The following IRAK3 variants were observed in gnomAD, a reference collection of about 807,000 sequenced individuals.
IRAK3 encodes interleukin 1 receptor associated kinase 3.
In IRAK3, 57 loss-of-function variants were observed where a neutral mutation model predicts 56.6. The ratio of observed to expected loss-of-function variants is 1.01; its 90% confidence interval spans 0.81 to 1.26. IRAK3 has a LOEUF of 1.26. Among genes scored for constraint, IRAK3 ranks in the 50% most tolerant of loss-of-function variants. IRAK3 has a pLI of 0.00. For missense variants in IRAK3, 703 were observed against 719.0 expected (o/e 0.98, Z 0.25); for synonymous variants, 258 against 255.7 (o/e 1.01, Z -0.09).
rs2053101957 is a variant in IRAK3, at chr12:66,251,744, G to A, written c.*3573G>A. On this transcript the variant is annotated 3_prime_UTR_variant, in exon 12 of 12. Transcript: ENST00000261233. ...AGGACTGATGAGTACAGGAAGTGAG[G>A]TTTATCATGAGTAGCATTTATTAAG... The A allele has an allele frequency of 6.6e-6, 1 of 152,172 alleles. No individual in the cohort carries two copies. The highest frequency in any genetic ancestry group is 2.1e-4 in the South Asian group (1 of 4,832). 9.4% of individuals were successfully genotyped at this position (152,172 alleles called of 1,614,324 possible).
chr12:66,230,643 A>G (rs556070158), intron 8 of IRAK3, among the ~76,000 whole-genome samples: 1 of 151,840 alleles, frequency 6.6e-6, no homozygotes, highest in South Asian at 2.1e-4. Flanking sequence ...GCCTCCCTGG[A>G]ACCCAAGGAG....
chr12:66,238,660 G>C (rs886872167), intron 8 of IRAK3, among the ~76,000 whole-genome samples: 2 of 152,156 alleles, frequency 1.3e-5, no homozygotes, highest in African/African-American at 4.8e-5. Flanking sequence ...AGAGGAGATC[G>C]GGCCTGGAAA....
intron 1 of IRAK3, among the ~76,000 whole-genome samples, chr12:66,198,433 C>A (rs2136915090): frequency 6.6e-6 from 1 of 152,286 alleles, no homozygotes; most frequent in Non-Finnish European, 1.5e-5. Flanking sequence ...ATTTGACATA[C>A]CCTTTTCTAT....
intron 3 of IRAK3, 64 bp from the exon 4 acceptor site, chr12:66,210,083 T>C (rs1236421333): frequency 3.7e-6 from 4 of 1,070,872 alleles, no homozygotes; most frequent in Admixed American, 3.4e-5. Context: ...TGGATTTGTG[T>C]TGAGGCTCTG....
intron 6 of IRAK3, among the ~76,000 whole-genome samples, chr12:66,218,462 G>A (rs2052699169): frequency 6.6e-6 from 1 of 152,006 alleles, no homozygotes; most frequent in South Asian, 2.1e-4. Flanking sequence ...ATGGTTATGT[G>A]CATTTTATCA....
chr12:66,244,961 T>C lies in IRAK3; in HGVS notation c.1100T>C (p.Val367Ala). 1 of 1,611,670 alleles carries C rather than the reference T, an allele frequency of 6.2e-7. No homozygotes were observed. The highest frequency in any genetic ancestry group is 8.5e-7 in the Non-Finnish European group (1 of 1,177,740). ...TATTCCTTGTAGGTAATAATGGAAG[T>C]TCTAACAGGATGTAGAGTAGTGTTA... ...VYSFGIVIME[V>A]LTGCRVVLDD... is the part of the protein sequence containing the mutation. Residue 367 changes from valine (V) to alanine (A), a missense_variant, in exon 10 of 12, where the codon GTT (valine) becomes GCT (alanine). Physicochemically the swap from Val to Ala is moderately conservative, Grantham distance 64 (BLOSUM62 0). Transcript: ENST00000261233.
At chr12:66,233,314 C>A (rs1400494471) in intron 8 of IRAK3, among the ~76,000 whole-genome samples, 1 of 152,110 alleles carries the variant, frequency 6.6e-6, no homozygotes, top group African/African-American at 2.4e-5. Context: ...GTCAGCAGAT[C>A]GAGACCATCC....
chr12:66,245,307 A>T (rs1476328759), intron 11 of IRAK3, 45 bp downstream of exon 11: 2 of 1,585,550 alleles, frequency 1.3e-6, no homozygotes, highest in Non-Finnish European at 1.7e-6. Flanking sequence ...CCACAGAACC[A>T]TGGAAAATCT....
At chr12:66,190,865 A>G (rs1225497557) in intron 1 of IRAK3, among the ~76,000 whole-genome samples, 1 of 152,148 alleles carries the variant, frequency 6.6e-6, no homozygotes, top group Admixed American at 6.5e-5. Flanking sequence ...CAGCTACTCT[A>G]CACTTCTCCC....
chr12:66,216,167 ATT>A (rs2052675060), intron 5 of IRAK3, among the ~76,000 whole-genome samples: 1 of 152,120 alleles, frequency 6.6e-6, no homozygotes, highest in South Asian at 2.1e-4. Flanking sequence ...CGACTCCTTC[ATT>A]TTTCAGACTG....
At chr12:66,234,274 C>G in intron 8 of IRAK3, 2 of 1,613,094 alleles carry the variant, frequency 1.2e-6, no homozygotes, top group Non-Finnish European at 1.7e-6. Flanking sequence ...TCTGCTGGGC[C>G]AGAGGGCTGA....
At chr12:66,234,362 G>A in intron 8 of IRAK3, 2 of 1,612,402 alleles carry the variant, frequency 1.2e-6, no homozygotes, top group East Asian at 4.5e-5. Flanking sequence ...TAGAATATAT[G>A]GTTGAGGTTG....
At chr12:66,199,393 A>G (rs768585343) in intron 1 of IRAK3, among the ~76,000 whole-genome samples, 37 of 152,174 alleles carry the variant, frequency 2.4e-4, no homozygotes, top group Non-Finnish European at 2.6e-4. Flanking sequence ...TGTTTTCACT[A>G]AGAACTTTTT....
Position 66,228,317 on chromosome 12 carries a change from T to A in IRAK3, c.834T>A (p.Ile278=). 1 of 1,614,150 alleles carries A rather than the reference T, an allele frequency of 6.2e-7. No homozygotes were observed. Among genetic ancestry groups the A allele is most frequent in the Non-Finnish European group, 8.5e-7 (1 of 1,180,006 alleles). ...IGILIGISKA[I]HYLHNVQPCS... The stretch of plus-strand genomic sequence containing the variant: ...TATTAATAGGAATATCCAAAGCCAT[T>A]CACTACCTGCACAACGTTCAACCAT... Residue 278 remains isoleucine (I), a synonymous_variant, in exon 8 of 12, where the codon ATT becomes ATA. Transcript: ENST00000261233.
intron 5 of IRAK3, among the ~76,000 whole-genome samples, chr12:66,216,039 C>T (rs1034624910): frequency 6.6e-6 from 1 of 152,152 alleles, no homozygotes; most frequent in African/African-American, 2.4e-5. Flanking sequence ...GCAGATCTGA[C>T]AGGAGCCCTG....
intron 8 of IRAK3, among the ~76,000 whole-genome samples, chr12:66,233,054 C>T (rs529930813): frequency 4.0e-5 from 6 of 151,852 alleles, no homozygotes; most frequent in African/African-American, 1.2e-4. Flanking sequence ...TTATTGACTA[C>T]CTTTTAAAAG....
chr12:66,237,999 T>G (rs2052925470), intron 8 of IRAK3, among the ~76,000 whole-genome samples: 1 of 152,174 alleles, frequency 6.6e-6, no homozygotes, highest in African/African-American at 2.4e-5. Context: ...GTGGGCTCCC[T>G]GTGGGTGTCA....
In IRAK3 at chr12:66,252,969, A is replaced by G. The variant is rs2053115288; in HGVS notation, c.*4798A>G. The G allele has an allele frequency of 6.6e-6, 1 of 152,182 alleles. No individual in the cohort carries two copies. Among genetic ancestry groups the G allele is most frequent in the Admixed American group, 6.6e-5 (1 of 15,264 alleles). 9.4% of individuals were successfully genotyped at this position (152,182 alleles called of 1,614,324 possible). A position where few individuals can be genotyped will look rare whatever the true frequency, so the allele number is the denominator to read the frequency against. On this transcript the variant is annotated 3_prime_UTR_variant, in exon 12 of 12. Transcript: ENST00000261233. ...ACAAACCTCAGGTCACTATCACGTGATACTGGAGTTGCCTGTTAAATTATA... is the reference window on the plus strand; with the variant it reads ...ACAAACCTCAGGTCACTATCACGTGGTACTGGAGTTGCCTGTTAAATTATA...
At position 66,214,510 on chromosome 12, in the gene IRAK3, C is replaced by T. The variant is rs886898151; in HGVS notation, c.589-2661C>T. ...GAGCCAAGATCACGCCACTGCATTT[C>T]AGTGTGGGCAACAGAGTAAGACCCT... On this transcript the variant is annotated intron_variant, in intron 5 of 11. Coordinates refer to ENST00000261233, the MANE Select transcript of IRAK3 (RefSeq NM_007199.3). 2.0e-5 allele frequency among the ~76,000 whole-genome samples: 3 copies of T among 149,748 alleles called. No homozygotes were observed. The Admixed American group carries it at 2.0e-4, about 10-fold the overall frequency.
Sources: allele counts gnomAD v4.1 joint callset (sites outside exome capture counted in the v4.1 genomes callset), GRCh38; gene constraint gnomAD v4.1.1; transcripts MANE v1.5; gene names NCBI Gene and HGNC (gene_info 2026-07-23, HGNC 2026-07-21).